The following SNX13 variants were observed in gnomAD, a reference collection of about 807,000 sequenced individuals.
SNX13 encodes sorting nexin-13.
Under a neutral mutation model 133.6 loss-of-function variants are expected in SNX13, and 45 were observed. The ratio of observed to expected loss-of-function variants is 0.34; its 90% CI spans 0.27 to 0.43. The LOEUF (loss-of-function observed/expected upper bound fraction) is 0.43. Among genes scored for constraint, SNX13 ranks in the 20% least tolerant of loss-of-function variants. The pLI, the probability that SNX13 is intolerant of heterozygous loss-of-function variation, is 1.00. For synonymous variants in SNX13, 414 were observed against 373.9 expected, an observed-to-expected ratio of 1.11 and a Z score of -1.24; for missense variants, 1,032 against 1,145.1, an observed-to-expected ratio of 0.90 and a Z score of 1.43.
rs759970429 is a variant in SNX13 at position 17,794,118 on chromosome 7, G to C, written c.2801C>G (p.Ser934Ter). 8.7e-6 allele frequency: 14 copies of C among 1,611,730 alleles called. No homozygotes were observed. Among genetic ancestry groups the C allele is most frequent in the Non-Finnish European group, 1.2e-5 (14 of 1,178,454 alleles). ...ATATTTCTGCATCTGCTTTGACCGTGAATGCAGTTTGTTGAAAAGTTCACG... is the reference window on the plus strand; with the variant it reads ...ATATTTCTGCATCTGCTTTGACCGTCAATGCAGTTTGTTGAAAAGTTCACG... ...KFRELFNKLH[S>*]RSKQMQKYKQ... Residue 934 changes from serine (S) to a stop codon, truncating the protein, a stop_gained, in exon 26 of 26, where the codon TCA becomes TGA. Transcript: ENST00000428135. LOFTEE classifies it high-confidence loss of function.
chr7:17,802,676 A>G (rs1784763278), intron 21 of SNX13, among the ~76,000 whole-genome samples: 1 of 152,156 alleles, frequency 6.6e-6, no homozygotes, highest in African/African-American at 2.4e-5. Context: ...TGATTTACAC[A>G]ATTTTAGGAG....
chr7:17,896,867 C>T (rs992936555), intron 2 of SNX13, among the ~76,000 whole-genome samples: 5 of 152,026 alleles, frequency 3.3e-5, no homozygotes, highest in Admixed American at 6.6e-5. Context: ...GAGAAAACTG[C>T]AAAATCAGGT....
chr7:17,931,510 A>G (rs1433336444), intron 1 of SNX13, among the ~76,000 whole-genome samples: 5 of 152,202 alleles, frequency 3.3e-5, no homozygotes, highest in Non-Finnish European at 5.9e-5. Flanking sequence ...AATAAAAGAA[A>G]TCACAAAACA....
chr7:17,792,674 T>C lies in SNX13; in HGVS notation c.*1371A>G, dbSNP rs1418413683. ...ATAAGTAGCTTCATTATTTTAAGGT[T>C]TTAGTGTTAAATATTTTTAAAACAA... On this transcript the variant is annotated 3_prime_UTR_variant, in exon 26 of 26. Transcript: ENST00000428135. The C allele has an allele frequency of 6.6e-6, 1 of 152,222 alleles. No individual in the cohort carries two copies. Among genetic ancestry groups the C allele is most frequent in the Non-Finnish European group, 1.5e-5 (1 of 67,842 alleles). The allele number at this position is 152,222 out of a possible 1,614,324, so 9.4% of individuals were successfully genotyped here.
At chr7:17,833,923 G>C (rs1788818804) in intron 15 of SNX13, 129 bp downstream of exon 15, 1 of 608,722 alleles carries the variant, frequency 1.6e-6, no homozygotes. Context: ...TTCATTTGTA[G>C]ATTTTTTAAT....
intron 8 of SNX13, among the ~76,000 whole-genome samples, chr7:17,869,989 A>G (rs552757465): frequency 6.6e-6 from 1 of 152,232 alleles, no homozygotes; most frequent in Non-Finnish European, 1.5e-5. Flanking sequence ...TAGTTGGTGC[A>G]ATGAGTCGAT....
intron 8 of SNX13, among the ~76,000 whole-genome samples, chr7:17,872,644 C>T (rs531591932): frequency 2.0e-4 from 30 of 152,222 alleles, no homozygotes; most frequent in African/African-American, 7.2e-4. Context: ...TACACTGAAC[C>T]CCAAGCTAGG....
At chr7:17,890,053 AG>A (rs563461944) in intron 5 of SNX13, 21 of 194,898 alleles carry the variant, frequency 1.1e-4, no homozygotes, top group Admixed American at 3.0e-4. Context: ...GGGAAGGGGG[AG>A]GGGGGAAGTA....
intron 1 of SNX13, chr7:17,898,373 C>G (rs1797448226): frequency 1.3e-5 from 2 of 152,076 alleles, no homozygotes; most frequent in Admixed American, 1.3e-4. Flanking sequence ...CTAAACTGAA[C>G]AAAATTAATG....
chr7:17,885,003 T>G (rs943118636), intron 5 of SNX13, among the ~76,000 whole-genome samples: 1 of 152,146 alleles, frequency 6.6e-6, no homozygotes, highest in African/African-American at 2.4e-5. Flanking sequence ...TAGGTATATA[T>G]CCAAGAGAAA....
chr7:17,821,796 GA>G, intron 17 of SNX13, 148 bp from the exon 18 acceptor site: 1 of 863,870 alleles, frequency 1.2e-6, no homozygotes, highest in Non-Finnish European at 1.7e-6. Context: ...GACTGAGACA[GA>G]AGGATGTCAG....
At chr7:17,845,820 C>A in intron 11 of SNX13, 126 bp from the exon 12 acceptor site, 1 of 582,696 alleles carries the variant, frequency 1.7e-6, no homozygotes, top group Non-Finnish European at 3.0e-6. Context: ...CCTTCTCATG[C>A]ATGTTGTTTC....
chr7:17,807,175 C>T (rs1036633462), intron 20 of SNX13, among the ~76,000 whole-genome samples: 4 of 152,140 alleles, frequency 2.6e-5, no homozygotes, highest in Admixed American at 6.5e-5. Context: ...GATCCCACCC[C>T]CACGGAGCCC....
At chr7:17,859,153 T>C (rs1224995890) in intron 9 of SNX13, among the ~76,000 whole-genome samples, 1 of 151,834 alleles carries the variant, frequency 6.6e-6, no homozygotes, top group Non-Finnish European at 1.5e-5. Context: ...CGAGAAAAAA[T>C]ACCAAGTCAT....
chr7:17,900,729 G>A (rs146011503), intron 1 of SNX13, among the ~76,000 whole-genome samples: 1 of 152,010 alleles, frequency 6.6e-6, no homozygotes, highest in Non-Finnish European at 1.5e-5. Flanking sequence ...CTGGCTCAGG[G>A]TAGGTCATGA....
At chr7:17,872,740 C>T (rs944413402) in intron 8 of SNX13, among the ~76,000 whole-genome samples, 2 of 152,180 alleles carry the variant, frequency 1.3e-5, no homozygotes. Flanking sequence ...ATCTATTTTG[C>T]AGGACAGACT....
At position 17,796,913 on chromosome 7, in the gene SNX13, A is replaced by G; in HGVS notation, c.2540T>C (p.Leu847Ser). Residue 847 changes from leucine to serine, a missense_variant, in exon 25 of 26, where the codon TTA (leucine) becomes TCA (serine). Transcript: ENST00000428135. ...ATCTCTGCATGGAACAGCCTCTGCTAAAATGCCATTTGGCCAAAATGCATC... is the reference window on the plus strand; with the variant it reads ...ATCTCTGCATGGAACAGCCTCTGCTGAAATGCCATTTGGCCAAAATGCATC... ...FRDAFWPNGILAEAVPCRDKS... is the reference protein window; with the variant it reads ...FRDAFWPNGISAEAVPCRDKS... 1 of 1,610,918 alleles carries G rather than the reference A, an allele frequency of 6.2e-7. No homozygotes were observed. Among genetic ancestry groups the G allele is most frequent in the East Asian group, 2.2e-5 (1 of 44,800 alleles).
chr7:17,867,464 G>A (rs1349318326), intron 9 of SNX13, among the ~76,000 whole-genome samples: 2 of 151,858 alleles, frequency 1.3e-5, no homozygotes, highest in Non-Finnish European at 1.5e-5. Context: ...AAAAATTAGC[G>A]GGATGTGGTG....
At chr7:17,893,513 C>T in intron 2 of SNX13, 79 bp from the exon 3 acceptor site, 1 of 905,470 alleles carries the variant, frequency 1.1e-6, no homozygotes, top group East Asian at 2.7e-5. Context: ...AGTATATTTT[C>T]CAGAGTTCAC....
Sources: gnomAD v4.1 joint callset for allele counts (sites outside exome capture counted in the v4.1 genomes callset) on GRCh38, gnomAD v4.1.1 for gene constraint, MANE v1.5 for transcripts, NCBI Gene and HGNC (gene_info 2026-07-23, HGNC 2026-07-21) for gene names.